The following PRKCD variants were observed in gnomAD, a reference collection of about 807,000 sequenced individuals.
The protein encoded by PRKCD is protein kinase C delta type.
In PRKCD, 20 loss-of-function variants were observed where a neutral mutation model predicts 82.2. The ratio of observed to expected loss-of-function variants is 0.24; its 90% confidence interval spans 0.17 to 0.35. The LOEUF (loss-of-function observed/expected upper bound fraction) is 0.35, where lower values mean the gene tolerates loss of function less well. PRKCD is among the 10% of genes least tolerant of loss of function. The pLI is 1.00. For synonymous variants in PRKCD, 317 were observed against 337.0 expected, an observed-to-expected ratio of 0.94 and a Z score of 0.65; for missense variants, 607 against 899.0, an observed-to-expected ratio of 0.68 and a Z score of 4.15.
In PRKCD at chr3:53,169,739, T is replaced by C. The variant is rs1702955651; in HGVS notation, c.-20+4524T>C. Among the ~76,000 whole-genome samples, 1 of 152,192 alleles carries C rather than the reference T, an allele frequency of 6.6e-6. No homozygotes were observed. The highest frequency in any genetic ancestry group is 1.5e-5 in the Non-Finnish European group (1 of 68,020). Reference sequence around the variant, plus strand: ...TGGCCAGCCTCTGCCAGTGGACTCATGCTGCCTGCTTCAGCCCAGTTCTGC... The same window carrying C: ...TGGCCAGCCTCTGCCAGTGGACTCACGCTGCCTGCTTCAGCCCAGTTCTGC... On this transcript the variant is annotated intron_variant, in intron 2 of 18. Coordinates refer to ENST00000330452, the MANE Select transcript of PRKCD (RefSeq NM_006254.4). This position sits in a 1 kb window ranked among gnomAD's most constrained non-coding sequence, Gnocchi z 4.7.
chr3:53,178,669 C>G, intron 3 of PRKCD, 132 bp downstream of exon 3: 1 of 738,488 alleles, frequency 1.4e-6, no homozygotes, highest in Non-Finnish European at 2.1e-6. Flanking sequence ...CTCCCTGCCC[C>G]ACTCAGCTAT....
intron 5 of PRKCD, 86 bp from the exon 6 acceptor site, chr3:53,181,358 G>A: frequency 6.2e-7 from 1 of 1,608,472 alleles, no homozygotes; most frequent in Non-Finnish European, 8.5e-7. Context: ...CTTCGGCAGA[G>A]CTGTCCAGGA....
At chr3:53,181,352 G>C in intron 5 of PRKCD, 85 bp downstream of exon 5, 1 of 1,607,586 alleles carries the variant, frequency 6.2e-7, no homozygotes. Context: ...TGCTCCCTTC[G>C]GCAGAGCTGT....
intron 15 of PRKCD, among the ~76,000 whole-genome samples, chr3:53,188,187 CAAAAAAAAAAAA>C (rs557772373): frequency 4.4e-5 from 2 of 45,572 alleles, no homozygotes; most frequent in Admixed American, 4.1e-4. Context: ...GACTGTGTCT[CAAAAAAAAAAAA>C]AAAAAAAAAA....
At position 53,178,421 on chromosome 3, in the gene PRKCD, C is replaced by T. The variant is rs1338857985; in HGVS notation, c.-2C>T. The T allele has an allele frequency of 1.2e-6, 2 of 1,610,072 alleles. No homozygotes were observed. The highest frequency in any genetic ancestry group is 2.7e-5 in the African/African-American group (2 of 74,872). The stretch of plus-strand genomic sequence containing the variant: ...GTGCACAGCCCCACTGCAGGCCCCA[C>T]CATGGCGCCGTTCCTGCGCATCGCC... On this transcript the variant is annotated 5_prime_UTR_variant, in exon 3 of 19. Transcript: ENST00000330452.
At position 53,192,193 on chromosome 3, in the gene PRKCD, A is replaced by C; in HGVS notation, c.1958A>C (p.Asp653Ala). The C allele has an allele frequency of 6.2e-7, 1 of 1,613,750 alleles. No individual in the cohort carries two copies. The highest frequency in any genetic ancestry group is 8.5e-7 in the Non-Finnish European group (1 of 1,179,942). Reference sequence around the variant, plus strand: ...TCCTACAGCGACAAGAACCTCATCGACTCCATGGACCAGTCTGCATTCGCT... The same window carrying C: ...TCCTACAGCGACAAGAACCTCATCGCCTCCATGGACCAGTCTGCATTCGCT... ...RLSYSDKNLI[D>A]SMDQSAFAGF... Residue 653 changes from aspartate (D) to alanine (A), a missense_variant, in exon 19 of 19, where the codon GAC becomes GCC. Asp to Ala is a moderately radical substitution (Grantham distance 126). Coordinates refer to ENST00000330452, the MANE Select transcript of PRKCD (RefSeq NM_006254.4).
chr3:53,166,844 C>G (rs990015919), intron 2 of PRKCD, among the ~76,000 whole-genome samples: 2 of 152,260 alleles, frequency 1.3e-5, no homozygotes, highest in Non-Finnish European at 2.9e-5. Flanking sequence ...AGGCTCCAGG[C>G]CGACCAGGGA....
chr3:53,173,334 C>T (rs1553665297), intron 2 of PRKCD, among the ~76,000 whole-genome samples: 1 of 152,156 alleles, frequency 6.6e-6, no homozygotes, highest in East Asian at 1.9e-4. Flanking sequence ...GAACAGGTTT[C>T]CATTTGTCCC....
chr3:53,183,130 C>T lies in PRKCD; in HGVS notation c.581C>T (p.Ala194Val), dbSNP rs1553668112. ...CCTGTGCCTCTTCAAGAATGTAACG[C>T]TGCCATCCACAAGAAATGCATCGAC... ...KQGYKCRQCN[A>V]AIHKKCIDKI... Residue 194 changes from alanine (A) to valine (V), a missense_variant, in exon 8 of 19, where the codon GCT becomes GTT. This residue lies in a region of PRKCD where 109 missense variants were observed against 155.6 expected (regional missense o/e 0.70). Coordinates refer to ENST00000330452, the MANE Select transcript of PRKCD (RefSeq NM_006254.4). 1.1e-5 allele frequency: 17 copies of T among 1,614,200 alleles called. No individual in the cohort carries two copies. Among genetic ancestry groups the T allele is most frequent in the Non-Finnish European group, 1.4e-5 (17 of 1,180,018 alleles).
At chr3:53,180,444 G>C (rs782331081) in intron 4 of PRKCD, among the ~76,000 whole-genome samples, 1 of 152,258 alleles carries the variant, frequency 6.6e-6, no homozygotes, top group African/African-American at 2.4e-5. Flanking sequence ...GCCATGTGCA[G>C]CTGTGTGTTC....
At chr3:53,181,957 G>A in intron 7 of PRKCD, 2 of 728,674 alleles carry the variant, frequency 2.7e-6, no homozygotes, top group Non-Finnish European at 2.4e-6. Context: ...CAGTGACGGG[G>A]AGTTGGTGGA....
Position 53,184,993 on chromosome 3 carries a change from G to C in PRKCD, c.888+19G>C, listed in dbSNP as rs781942162. On this transcript the variant is annotated intron_variant, in intron 10 of 18. Transcript: ENST00000330452. ...CACCCAGGTGGGCAGGTGCCATGGG[G>C]ACCCTGGACACAGGGCAGTGGGGTC... 43 of 1,605,244 alleles carry C rather than the reference G, an allele frequency of 2.7e-5. No homozygotes were observed. The highest frequency in any genetic ancestry group is 3.5e-5 in the Non-Finnish European group (41 of 1,172,178).
intron 2 of PRKCD, among the ~76,000 whole-genome samples, chr3:53,171,299 C>G (rs1703021170): frequency 6.6e-6 from 1 of 152,182 alleles, no homozygotes. Context: ...TGCCTGGTGG[C>G]CTCCCTCCAA....
At chr3:53,179,363 A>G in intron 3 of PRKCD, 1 of 704,734 alleles carries the variant, frequency 1.4e-6, no homozygotes, top group Non-Finnish European at 2.6e-6. Context: ...GAGCAAGAGG[A>G]TCAGAGGAAG....
At chr3:53,189,302 C>T in intron 17 of PRKCD, 56 bp downstream of exon 17, 11 of 1,517,430 alleles carry the variant, frequency 7.2e-6, no homozygotes, top group Non-Finnish European at 9.7e-6. Flanking sequence ...CAGGGGCTGG[C>T]AGACACTGGG....
intron 4 of PRKCD, among the ~76,000 whole-genome samples, chr3:53,180,444 GCT>G (rs1703394127): frequency 6.6e-6 from 1 of 152,258 alleles, no homozygotes; most frequent in Non-Finnish European, 1.5e-5. Context: ...GCCATGTGCA[GCT>G]GTGTGTTCTG....
intron 2 of PRKCD, among the ~76,000 whole-genome samples, chr3:53,176,040 G>A (rs1364649480): frequency 1.3e-5 from 2 of 152,126 alleles, no homozygotes; most frequent in Non-Finnish European, 2.9e-5. Flanking sequence ...CTGTAGACCC[G>A]TGCAACCTCA....
chr3:53,167,962 T>C (rs1488199413), intron 2 of PRKCD, among the ~76,000 whole-genome samples: 1 of 152,224 alleles, frequency 6.6e-6, no homozygotes, highest in African/African-American at 2.4e-5. Context: ...TGCCTGCTCT[T>C]CTCCCCCTCA....
Position 53,183,542 on chromosome 3 carries a change from C to A in PRKCD, c.748C>A (p.Leu250Met), listed in dbSNP as rs1553668271. 6.2e-7 allele frequency: 1 copy of A among 1,614,126 alleles called. No homozygotes were observed. Among genetic ancestry groups the A allele is most frequent in the Non-Finnish European group, 8.5e-7 (1 of 1,180,026 alleles). Residue 250 changes from leucine (L) to methionine (M), a missense_variant, in exon 9 of 19, where the codon CTG (leucine) becomes ATG (methionine). Transcript: ENST00000330452. ...CACCTTCTGTGACCACTGCGGCAGC[C>A]TGCTCTGGGGACTGGTGAAGCAGGG... ...SPTFCDHCGS[L>M]LWGLVKQGLK...
Sources: allele counts gnomAD v4.1 joint callset (sites outside exome capture counted in the v4.1 genomes callset), GRCh38; gene constraint gnomAD v4.1.1; regional missense constraint gnomAD v4.1.1; non-coding constraint Gnocchi (gnomAD v3.1); transcripts MANE v1.5; gene names NCBI Gene and HGNC (gene_info 2026-07-23, HGNC 2026-07-21).